ESRRG: variants seen among roughly 807,000 people sequenced by gnomAD.
The protein encoded by ESRRG is estrogen related receptor gamma, also known as estrogen-related receptor gamma.
Under a neutral mutation model 44.0 loss-of-function variants are expected in ESRRG, and 13 were observed. The ratio of observed to expected loss-of-function variants is 0.30; its 90% CI spans 0.19 to 0.47. The LOEUF (loss-of-function observed/expected upper bound fraction) is 0.47. Among genes scored for constraint, ESRRG ranks in the 20% least tolerant of loss-of-function variants. The pLI is 1.00. For missense variants in ESRRG, 395 were observed against 580.6 expected, an observed-to-expected ratio of 0.68 and a Z score of 3.29; for synonymous variants, 215 against 214.6, an observed-to-expected ratio of 1.00 and a Z score of -0.02.
At chr1:216,677,889 G>T (rs2076378361) in intron 1 of ESRRG, among the ~76,000 whole-genome samples, 2 of 152,212 alleles carry the variant, frequency 1.3e-5, no homozygotes, top group African/African-American at 4.8e-5. Context: ...GGAAGAGGTG[G>T]TGATTTGCAA....
intron 3 of ESRRG, among the ~76,000 whole-genome samples, chr1:216,589,397 A>G (rs2057261730): frequency 1.3e-5 from 2 of 152,176 alleles, no homozygotes; most frequent in African/African-American, 4.8e-5. Context: ...CTCATTAGCT[A>G]TCATTAGTGT....
At chr1:216,608,641 A>G (rs1030894858) in intron 3 of ESRRG, among the ~76,000 whole-genome samples, 1 of 152,176 alleles carries the variant, frequency 6.6e-6, no homozygotes, top group African/African-American at 2.4e-5. Context: ...CCAGTGTTCC[A>G]TTTTTGGCTC....
chr1:217,095,092 C>G (rs2092403343), intron 1 of ESRRG, among the ~76,000 whole-genome samples: 1 of 152,078 alleles, frequency 6.6e-6, no homozygotes, highest in Admixed American at 6.6e-5. Flanking sequence ...TTGTCACATT[C>G]TCAGAAGGGT....
chr1:216,560,201 G>T (rs1271827143), intron 5 of ESRRG, among the ~76,000 whole-genome samples: 2 of 151,992 alleles, frequency 1.3e-5, no homozygotes, highest in Non-Finnish European at 2.9e-5. Flanking sequence ...CCAGTTGATA[G>T]GAAGAAAAAT....
At chr1:216,586,079 T>C (rs2063740962) in intron 3 of ESRRG, among the ~76,000 whole-genome samples, 1 of 152,032 alleles carries the variant, frequency 6.6e-6, no homozygotes. Context: ...TTTTTAAAAG[T>C]CTTAGTAAAA....
At chr1:216,694,870 T>C (rs1212768485) in intron 1 of ESRRG, among the ~76,000 whole-genome samples, 1 of 152,168 alleles carries the variant, frequency 6.6e-6, no homozygotes, top group African/African-American at 2.4e-5. Flanking sequence ...ATTTTTTGTT[T>C]CTGTTAAACA....
chr1:216,667,397 A>G (rs1326426103), intron 2 of ESRRG, among the ~76,000 whole-genome samples: 7 of 152,164 alleles, frequency 4.6e-5, no homozygotes, highest in Admixed American at 1.3e-4. Context: ...AGATAGAACT[A>G]AGTTTAGGCC....
chr1:216,598,848 C>A (rs960115954), intron 3 of ESRRG, among the ~76,000 whole-genome samples: 3 of 151,992 alleles, frequency 2.0e-5, no homozygotes, highest in African/African-American at 7.3e-5. Context: ...TAATTTAATG[C>A]CTACTGTGTG....
intron 3 of ESRRG, among the ~76,000 whole-genome samples, chr1:216,607,807 A>G (rs1178658794): frequency 1.3e-5 from 2 of 152,202 alleles, no homozygotes; most frequent in African/African-American, 4.8e-5. Context: ...CTTGCAATCA[A>G]TTCTTTGCGT....
chr1:217,058,001 T>C (rs1558142729), intron 1 of ESRRG, among the ~76,000 whole-genome samples: 1 of 152,004 alleles, frequency 6.6e-6, no homozygotes, highest in Admixed American at 6.6e-5. Flanking sequence ...CCAGAGATTA[T>C]AAGTAAGAAA....
chr1:216,558,540 C>T (rs982697993), intron 5 of ESRRG, among the ~76,000 whole-genome samples: 22 of 152,088 alleles, frequency 1.4e-4, no homozygotes, highest in African/African-American at 4.6e-4. Context: ...ATTGTAATGA[C>T]AATCTATGGC....
chr1:216,732,704 T>A (rs2089086170), intron 2 of ESRRG, among the ~76,000 whole-genome samples: 1 of 151,776 alleles, frequency 6.6e-6, no homozygotes, highest in Non-Finnish European at 1.5e-5. Context: ...CTCCGGAGGC[T>A]AAGGGAGGAG....
At chr1:217,114,861 C>T (rs935909262) in intron 1 of ESRRG, among the ~76,000 whole-genome samples, 87 of 151,890 alleles carry the variant, frequency 5.7e-4, no homozygotes, top group African/African-American at 2.1e-3. Flanking sequence ...TTAGGGGTTT[C>T]ACCATGTCGA....
intron 1 of ESRRG, among the ~76,000 whole-genome samples, chr1:216,989,670 A>C (rs929760634): frequency 6.6e-6 from 1 of 152,124 alleles, no homozygotes; most frequent in Non-Finnish European, 1.5e-5. Flanking sequence ...CACCTACGTC[A>C]ATCAGCTCAG....
chr1:216,950,224 A>G (rs536261398), intron 1 of ESRRG, among the ~76,000 whole-genome samples: 7 of 152,340 alleles, frequency 4.6e-5, no homozygotes, highest in South Asian at 2.1e-4. Context: ...TTTCTGGCCC[A>G]TAATTGGTGT....
intron 1 of ESRRG, among the ~76,000 whole-genome samples, chr1:217,100,865 C>T (rs546504421): frequency 2.0e-5 from 3 of 152,184 alleles, no homozygotes; most frequent in Non-Finnish European, 4.4e-5. Flanking sequence ...GATCCAAACA[C>T]CTCCCACCTT....
intron 2 of ESRRG, among the ~76,000 whole-genome samples, chr1:216,801,379 T>C (rs1263591995): frequency 6.6e-6 from 1 of 152,162 alleles, no homozygotes; most frequent in Non-Finnish European, 1.5e-5. Flanking sequence ...ATATCTGCCA[T>C]TTTGTATCCT....
chr1:216,952,341 C>T (rs1302459966), intron 1 of ESRRG, among the ~76,000 whole-genome samples: 3 of 152,064 alleles, frequency 2.0e-5, no homozygotes, highest in Non-Finnish European at 4.4e-5. Flanking sequence ...TAGCTAATTG[C>T]CCATATTTTG....
chr1:216,557,137 T>C (rs1239352138), intron 5 of ESRRG, among the ~76,000 whole-genome samples: 1 of 152,206 alleles, frequency 6.6e-6, no homozygotes, highest in Non-Finnish European at 1.5e-5. Flanking sequence ...GTGATTGACT[T>C]GTTTCAGTAA....
Sources: gnomAD v4.1 joint callset for allele counts (sites outside exome capture counted in the v4.1 genomes callset) on GRCh38, gnomAD v4.1.1 for gene constraint, MANE v1.5 for transcripts, NCBI Gene and HGNC (gene_info 2026-07-23, HGNC 2026-07-21) for gene names.